The following SCN9A variants were observed in gnomAD, a reference collection of about 807,000 sequenced individuals.
The protein encoded by SCN9A is sodium voltage-gated channel alpha subunit 9, also known as sodium channel protein type 9 subunit alpha.
SCN9A carries 131 observed loss-of-function variants against 187.0 expected under a neutral mutation model. The observed-to-expected ratio is 0.70, with a 90% CI of 0.61 to 0.81. The LOEUF (loss-of-function observed/expected upper bound fraction) is 0.81. SCN9A is among the 30% of genes least tolerant of loss of function. SCN9A has a pLI of 0.00. For missense variants in SCN9A, 2,252 were observed against 2,396.6 expected, an observed-to-expected ratio of 0.94 and a Z score of 1.26; for synonymous variants, 809 against 808.6, an observed-to-expected ratio of 1.00 and a Z score of -0.01.
At chr2:166,335,011 C>T (rs924339165) in intron 1 of SCN9A, among the ~76,000 whole-genome samples, 9 of 152,114 alleles carry the variant, frequency 5.9e-5, no homozygotes, top group Non-Finnish European at 1.2e-4. Flanking sequence ...TCCAAGTTTT[C>T]ACCATTTTCA....
In SCN9A at chr2:166,272,881, T is replaced by C. The variant is rs760470229; in HGVS notation, c.2875-6A>G. On this transcript the variant is annotated splice_region_variant and splice_polypyrimidine_tract_variant and intron_variant, in intron 16 of 26. Coordinates refer to ENST00000642356, the MANE Select transcript of SCN9A (RefSeq NM_001365536.1). ...GCCAGAAATAGGTTTAGGACCTATA[T>C]CAGGGTGGGGAGAGGGGGTAGAGAA... 1.0e-4 allele frequency: 144 copies of C among 1,374,750 alleles called. No individual in the cohort carries two copies. In the East Asian group the frequency reaches 3.4e-3, roughly 32 times the overall value. The allele number at this position is 1,374,750 out of a possible 1,614,324, so 85.2% of individuals were successfully genotyped here. A position where few individuals can be genotyped will look rare whatever the true frequency, so the allele number is the denominator to read the frequency against.
At chr2:166,286,938 G>A (rs1030659040) in intron 10 of SCN9A, among the ~76,000 whole-genome samples, 1 of 152,006 alleles carries the variant, frequency 6.6e-6, no homozygotes, top group African/African-American at 2.4e-5. Context: ...TGTAAAACTC[G>A]CATAAACCAT....
intron 2 of SCN9A, among the ~76,000 whole-genome samples, chr2:166,308,765 A>G (rs954918029): frequency 6.6e-6 from 1 of 151,990 alleles, no homozygotes; most frequent in Non-Finnish European, 1.5e-5. Flanking sequence ...TACTAAAAAT[A>G]CAAAAACAAA....
At chr2:166,271,891 A>C (rs60205988) in intron 17 of SCN9A, among the ~76,000 whole-genome samples, 40,839 of 151,714 alleles carry the variant, frequency 0.27, 6,133 homozygotes, top group African/African-American at 0.39. Flanking sequence ...AGAGAGAGAG[A>C]GCGATACTTT....
At chr2:166,229,963 C>T (rs115804173) in intron 21 of SCN9A, among the ~76,000 whole-genome samples, 1,764 of 152,238 alleles carry the variant, frequency 0.012, 32 homozygotes, top group African/African-American at 0.04. Context: ...CACTGGGATC[C>T]TTCTTTTCTG....
At chr2:166,212,941 A>G (rs1467599966) in intron 24 of SCN9A, among the ~76,000 whole-genome samples, 3 of 152,200 alleles carry the variant, frequency 2.0e-5, no homozygotes, top group African/African-American at 7.2e-5. Flanking sequence ...TGAAACAAAC[A>G]AAAATGAAAG....
intron 1 of SCN9A, among the ~76,000 whole-genome samples, chr2:166,332,589 T>G (rs1574935344): frequency 1.3e-5 from 2 of 152,278 alleles, no homozygotes; most frequent in East Asian, 3.9e-4. Context: ...AGTCTGTAAA[T>G]GCAGAATCCA....
intron 17 of SCN9A, among the ~76,000 whole-genome samples, chr2:166,265,251 C>T (rs940354194): frequency 6.6e-6 from 1 of 151,918 alleles, no homozygotes; most frequent in Non-Finnish European, 1.5e-5. Flanking sequence ...AACCACTATT[C>T]TACTATCTAC....
At chr2:166,224,741 G>C (rs1694773942) in intron 24 of SCN9A, among the ~76,000 whole-genome samples, 1 of 152,084 alleles carries the variant, frequency 6.6e-6, no homozygotes, top group Non-Finnish European at 1.5e-5. Flanking sequence ...AATAGTCTTT[G>C]GTCCTTCCCT....
Position 166,211,587 on chromosome 2 carries a change from A to G in SCN9A, c.4399-7123T>C, listed in dbSNP as rs145693971. Among the ~76,000 whole-genome samples, 1,128 of 152,132 alleles carry G rather than the reference A, an allele frequency of 7.4e-3. 13 individuals carry two copies. The highest frequency in any genetic ancestry group is 0.052 in the South Asian group (251 of 4,830). ...AATAATTAAGAATAACTAAAATTAC[A>G]AAAATGTGTTTGTAGAAACACATTA... On this transcript the variant is annotated intron_variant, in intron 24 of 26. Coordinates refer to ENST00000642356, the MANE Select transcript of SCN9A (RefSeq NM_001365536.1).
chr2:166,359,358 A>G (rs1317525305), intron 1 of SCN9A, among the ~76,000 whole-genome samples: 2 of 152,114 alleles, frequency 1.3e-5, no homozygotes, highest in African/African-American at 2.4e-5. Flanking sequence ...TCTTCTTTAG[A>G]TTATAAAAAC....
At chr2:166,370,542 C>CA (rs1299247906) in intron 1 of SCN9A, among the ~76,000 whole-genome samples, 165 of 133,506 alleles carry the variant, frequency 1.2e-3, no homozygotes, top group African/African-American at 4.1e-3. Context: ...GACTCCGTCT[C>CA]AAAAAAATAA....
intron 1 of SCN9A, among the ~76,000 whole-genome samples, chr2:166,360,239 A>C (rs1700249760): frequency 6.6e-6 from 1 of 150,620 alleles, no homozygotes; most frequent in Non-Finnish European, 1.5e-5. Flanking sequence ...AAAAAAAGAA[A>C]AAAAAAAAAA....
At chr2:166,350,826 A>G (rs1700016747) in intron 1 of SCN9A, among the ~76,000 whole-genome samples, 1 of 152,210 alleles carries the variant, frequency 6.6e-6, no homozygotes. Context: ...GCTTAGTTGC[A>G]TGTGTATTAA....
Position 166,237,985 on chromosome 2 carries a change from A to G in SCN9A, c.3801+109T>C. On this transcript the variant is annotated intron_variant, in intron 20 of 26. Transcript: ENST00000642356. ...GAATAAACCTATAGCCTGAAAATATATGAAGCTTAACAAAATTAAAATATG... is the reference window on the plus strand; with the variant it reads ...GAATAAACCTATAGCCTGAAAATATGTGAAGCTTAACAAAATTAAAATATG... 5.4e-6 allele frequency: 4 copies of G among 735,740 alleles called. No homozygotes were observed. In the South Asian group the frequency reaches 8.4e-5, roughly 15 times the overall value. 45.6% of individuals were successfully genotyped at this position (735,740 alleles called of 1,614,324 possible).
chr2:166,203,696 T>A (rs1414501645), intron 26 of SCN9A, among the ~76,000 whole-genome samples: 1 of 151,966 alleles, frequency 6.6e-6, no homozygotes, highest in Non-Finnish European at 1.5e-5. Flanking sequence ...AAAGGTAATA[T>A]TGGAAACTAA....
intron 1 of SCN9A, among the ~76,000 whole-genome samples, chr2:166,357,698 T>C (rs545217019): frequency 6.6e-6 from 1 of 152,332 alleles, no homozygotes; most frequent in East Asian, 1.9e-4. Flanking sequence ...TCATTAGATA[T>C]ACTTTCTATT....
intron 17 of SCN9A, among the ~76,000 whole-genome samples, chr2:166,266,333 T>A (rs1333574861): frequency 6.6e-6 from 1 of 151,942 alleles, no homozygotes; most frequent in Non-Finnish European, 1.5e-5. Flanking sequence ...CCTTTCTCTA[T>A]TATAGGTACT....
At chr2:166,271,281 T>C (rs908931113) in intron 17 of SCN9A, among the ~76,000 whole-genome samples, 1 of 152,134 alleles carries the variant, frequency 6.6e-6, no homozygotes, top group Non-Finnish European at 1.5e-5. Context: ...ACATTGAGTA[T>C]GGTTCTAAAC....
Sources: gnomAD v4.1 joint callset for allele counts (sites outside exome capture counted in the v4.1 genomes callset) on GRCh38, gnomAD v4.1.1 for gene constraint, MANE v1.5 for transcripts, NCBI Gene and HGNC (gene_info 2026-07-23, HGNC 2026-07-21) for gene names.